ADAMTS7: variants seen among roughly 807,000 people sequenced by gnomAD.
ADAMTS7 encodes A disintegrin and metalloproteinase with thrombospondin motifs 7.
A neutral mutation model predicts 172.6 loss-of-function variants in ADAMTS7; 89 were observed. That is an observed-to-expected ratio of 0.52 (90% CI 0.43 to 0.61). The LOEUF (loss-of-function observed/expected upper bound fraction) is 0.61, where lower values mean the gene tolerates loss of function less well. ADAMTS7 is among the 20% of genes least tolerant of loss of function. The pLI is 0.00. For synonymous variants in ADAMTS7, 885 were observed against 978.4 expected, an observed-to-expected ratio of 0.90 and a Z score of 1.78; for missense variants, 1,973 against 2,355.6, an observed-to-expected ratio of 0.84 and a Z score of 3.36.
intron 1 of ADAMTS7, among the ~76,000 whole-genome samples, chr15:78,802,491 C>A (rs2055738853): frequency 6.6e-6 from 1 of 152,196 alleles, no homozygotes; most frequent in African/African-American, 2.4e-5. Context: ...AACAGGGTAG[C>A]TCTGGTTTCT....
chr15:78,782,311 G>A (rs2869858), intron 8 of ADAMTS7, among the ~76,000 whole-genome samples: 52 of 151,572 alleles, frequency 3.4e-4, no homozygotes, highest in African/African-American at 1.2e-3. Flanking sequence ...GTTTATAGGT[G>A]TGAGCCACCG....
At chr15:78,781,296 G>A (rs1277135973) in intron 8 of ADAMTS7, among the ~76,000 whole-genome samples, 1 of 152,168 alleles carries the variant, frequency 6.6e-6, no homozygotes, top group Non-Finnish European at 1.5e-5. Context: ...GCTGCAGGCT[G>A]GAAGACAGGC....
chr15:78,787,565 G>A (rs1013067088), intron 8 of ADAMTS7, among the ~76,000 whole-genome samples: 1 of 152,170 alleles, frequency 6.6e-6, no homozygotes, highest in Admixed American at 6.5e-5. Context: ...TCAGGAGGCT[G>A]AGGCAGGAGA....
rs549946886 is a variant in ADAMTS7 at position 78,811,066 on chromosome 15, G to A, written c.100+55C>T. On this transcript the variant is annotated intron_variant, in intron 1 of 23. Coordinates refer to ENST00000388820, the MANE Select transcript of ADAMTS7 (RefSeq NM_014272.5). ...GGTGAGGAGGGACAAAACCGAGACT[G>A]GGGGAGCGGGAAGGGGTGGCAGGCC... 4.6e-5 allele frequency: 57 copies of A among 1,227,360 alleles called. No homozygotes were observed. The Middle Eastern group carries it at 2.7e-3, about 58-fold the overall frequency. 76.0% of individuals were successfully genotyped at this position (1,227,360 alleles called of 1,614,324 possible).
chr15:78,796,894 G>C lies in ADAMTS7; in HGVS notation c.623-108C>G, dbSNP rs906958492. 5 of 1,043,320 alleles carry C rather than the reference G, an allele frequency of 4.8e-6. No individual in the cohort carries two copies. The African/African-American group carries it at 8.0e-5, about 17-fold the overall frequency. The allele number at this position is 1,043,320 out of a possible 1,614,324, so 64.6% of individuals were successfully genotyped here. A position where few individuals can be genotyped will look rare whatever the true frequency, so the allele number is the denominator to read the frequency against. ...TCTCTGGGGCACTGGGAACCACACA[G>C]GGATCAGAGGCCAGGGGCCTGAATT... On this transcript the variant is annotated intron_variant, in intron 3 of 23. Transcript: ENST00000388820.
At chr15:78,784,968 T>TAAAAA (rs78550763) in intron 8 of ADAMTS7, among the ~76,000 whole-genome samples, 1 of 129,682 alleles carries the variant, frequency 7.7e-6, no homozygotes. Flanking sequence ...CAAAACAAAT[T>TAAAAA]AAAAAAAAAA....
intron 23 of ADAMTS7, among the ~76,000 whole-genome samples, chr15:78,761,700 T>G (rs193160208): frequency 6.6e-6 from 1 of 152,154 alleles, no homozygotes; most frequent in African/African-American, 2.4e-5. Flanking sequence ...CGGGAGCAGC[T>G]GGGGCTGCAG....
intron 16 of ADAMTS7, among the ~76,000 whole-genome samples, chr15:78,770,444 C>G (rs1336251276): frequency 1.6e-5 from 2 of 126,442 alleles, no homozygotes; most frequent in Admixed American, 9.4e-5. Flanking sequence ...GTGGGGAGAT[C>G]AAGGAATGGC....
chr15:78,788,402 G>A (rs200266147), intron 7 of ADAMTS7, 28 bp from the exon 8 acceptor site: 413 of 1,608,490 alleles, frequency 2.6e-4, no homozygotes, highest in Non-Finnish European at 2.6e-4. Flanking sequence ...CCCCAGGGGC[G>A]GGTGAGCCGG....
chr15:78,803,423 C>G (rs1005843427), intron 1 of ADAMTS7, among the ~76,000 whole-genome samples: 5 of 150,278 alleles, frequency 3.3e-5, no homozygotes, highest in African/African-American at 1.2e-4. Flanking sequence ...ATACTTTAAA[C>G]AAGATTTTGT....
intron 4 of ADAMTS7, among the ~76,000 whole-genome samples, chr15:78,795,924 G>A (rs1027307119): frequency 1.3e-5 from 2 of 152,170 alleles, no homozygotes; most frequent in Admixed American, 6.5e-5. Flanking sequence ...CTCCCATCTG[G>A]CTCTGCCCTG....
intron 4 of ADAMTS7, among the ~76,000 whole-genome samples, chr15:78,795,846 G>A (rs1476930772): frequency 2.0e-5 from 3 of 152,214 alleles, no homozygotes; most frequent in African/African-American, 4.8e-5. Flanking sequence ...CAGCTCTGCA[G>A]TAGTCGGCTC....
chr15:78,800,114 T>A, intron 2 of ADAMTS7, 78 bp downstream of exon 2: 3 of 1,297,870 alleles, frequency 2.3e-6, no homozygotes, highest in Non-Finnish European at 3.2e-6. Context: ...ACCAGACAAG[T>A]GCGTGGCAAG....
In ADAMTS7 at chr15:78,771,934, C is replaced by A; in HGVS notation, c.2132-105G>T. 1 of 1,478,628 alleles carries A rather than the reference C, an allele frequency of 6.8e-7. No homozygotes were observed. Among genetic ancestry groups the A allele is most frequent in the African/African-American group, 1.4e-5 (1 of 72,470 alleles). 91.6% of individuals were successfully genotyped at this position (1,478,628 alleles called of 1,614,324 possible). On this transcript the variant is annotated intron_variant, in intron 14 of 23. Transcript: ENST00000388820. The surrounding 1 kb of genome is among the most constrained non-coding windows in gnomAD (Gnocchi z 4.9). ...CCCACTTGCCTCCGCCTGCTGATGC[C>A]AAAGCTTTAAAGTCTGAGCTCCCTA...
At chr15:78,777,755 G>T (rs1192434254) in intron 8 of ADAMTS7, among the ~76,000 whole-genome samples, 167 bp from the exon 9 acceptor site, 3 of 152,190 alleles carry the variant, frequency 2.0e-5, no homozygotes, top group African/African-American at 7.2e-5. Flanking sequence ...CCTGCAGCCA[G>T]CAGCACAGGC....
At chr15:78,787,323 C>T (rs28419124) in intron 8 of ADAMTS7, among the ~76,000 whole-genome samples, 2,482 of 138,422 alleles carry the variant, frequency 0.018, 67 homozygotes, top group East Asian at 0.064. Context: ...CTTTTTCTTA[C>T]TTAGAACATT....
chr15:78,803,331 G>T (rs1283630518), intron 1 of ADAMTS7, among the ~76,000 whole-genome samples: 1 of 152,158 alleles, frequency 6.6e-6, no homozygotes, highest in Admixed American at 6.5e-5. Flanking sequence ...CTGCACTCCA[G>T]CCTAGGTGAT....
At chr15:78,791,291 AACCC>A (rs371849333) in intron 4 of ADAMTS7, 68 bp from the exon 5 acceptor site, 5 of 1,033,502 alleles carry the variant, frequency 4.8e-6, no homozygotes, top group African/African-American at 3.3e-5. Flanking sequence ...TGCCCACCCC[AACCC>A]ACCCACCCAC....
chr15:78,779,378 C>T (rs1014908818), intron 8 of ADAMTS7, among the ~76,000 whole-genome samples: 1 of 152,164 alleles, frequency 6.6e-6, no homozygotes, highest in South Asian at 2.1e-4. Context: ...GGCCCCGGGT[C>T]GCACAAGAGA....
Sources: allele counts gnomAD v4.1 joint callset (sites outside exome capture counted in the v4.1 genomes callset), GRCh38; gene constraint gnomAD v4.1.1; non-coding constraint Gnocchi (gnomAD v3.1); transcripts MANE v1.5; gene names NCBI Gene and HGNC (gene_info 2026-07-23, HGNC 2026-07-21).